The following SOX6 variants were observed in gnomAD, a reference collection of about 807,000 sequenced individuals.
SOX6 encodes the protein SRY-box transcription factor 6.
A neutral mutation model predicts 97.8 loss-of-function variants in SOX6; 11 were observed. The ratio of observed to expected loss-of-function variants is 0.11; its 90% CI spans 0.07 to 0.19. The LOEUF (loss-of-function observed/expected upper bound fraction) is 0.19, where lower values mean the gene tolerates loss of function less well. Ranked by LOEUF, SOX6 falls within the 10% of genes least tolerant of loss-of-function variation. The pLI, the probability that SOX6 is intolerant of heterozygous loss-of-function variation, is 1.00. For synonymous variants in SOX6, 360 were observed against 371.4 expected (o/e 0.97, Z 0.35); for missense variants, 810 against 1,039.5 (o/e 0.78, Z 3.04).
At chr11:16,265,961 A>G (rs1854073731) in intron 3 of SOX6, among the ~76,000 whole-genome samples, 4 of 151,820 alleles carry the variant, frequency 2.6e-5, no homozygotes, top group Non-Finnish European at 5.9e-5. Context: ...GACAATATCA[A>G]GTGGTCTAAT....
intron 4 of SOX6, among the ~76,000 whole-genome samples, chr11:16,582,057 G>GA (rs1261423051): frequency 6.6e-6 from 1 of 151,948 alleles, no homozygotes; most frequent in Non-Finnish European, 1.5e-5. Context: ...ATTAACGCAG[G>GA]AAAAGAAAAC....
intron 4 of SOX6, among the ~76,000 whole-genome samples, chr11:16,588,281 A>T (rs1006111067): frequency 1.2e-4 from 19 of 152,170 alleles, no homozygotes; most frequent in African/African-American, 4.6e-4. Context: ...GAGATCATCA[A>T]ACTTCCCAAT....
chr11:16,621,420 A>G (rs1427120004), intron 3 of SOX6, among the ~76,000 whole-genome samples: 1 of 152,196 alleles, frequency 6.6e-6, no homozygotes, highest in Non-Finnish European at 1.5e-5. Flanking sequence ...CATTCCAACA[A>G]TTGCATGGAA....
intron 4 of SOX6, among the ~76,000 whole-genome samples, chr11:16,210,791 T>C (rs1852199710): frequency 1.3e-5 from 2 of 152,198 alleles, no homozygotes; most frequent in African/African-American, 4.8e-5. Flanking sequence ...CGACACATAC[T>C]GTTTTCATGC....
Position 16,569,868 on chromosome 11 carries a change from C to CAAAAAAAAAAAAAAAAA in SOX6, n.609+42196_609+42212dup, listed in dbSNP as rs34604334. 4.7e-3 allele frequency among the ~76,000 whole-genome samples: 394 copies of CAAAAAAAAAAAAAAAAA among 84,720 alleles called. 39 individuals are homozygous for CAAAAAAAAAAAAAAAAA. Among genetic ancestry groups the CAAAAAAAAAAAAAAAAA allele is most frequent in the African/African-American group, 0.023 (361 of 16,040 alleles). 55.6% of individuals were successfully genotyped at this position (84,720 alleles called of 152,430 possible). On this transcript the variant is annotated intron_variant and non_coding_transcript_variant, in intron 4 of 5. Coordinates refer to the SOX6 transcript ENST00000524520. ...TGGGTGACTGATCAAGACTCCGTCTCAAAAAAAAAAAAAAAAAGATATACT... is the reference window on the plus strand; with the variant it reads ...TGGGTGACTGATCAAGACTCCGTCTCAAAAAAAAAAAAAAAAAAAAAAAAAAAAAAAAAAGATATACT...
intron 1 of SOX6, among the ~76,000 whole-genome samples, chr11:16,445,919 A>T (rs1010532087): frequency 1.3e-5 from 2 of 152,220 alleles, no homozygotes; most frequent in Middle Eastern, 3.4e-3. Context: ...ATATCTACAG[A>T]CCAATCTTAC....
chr11:16,054,539 A>G (rs1195053619), intron 10 of SOX6, among the ~76,000 whole-genome samples: 1 of 152,062 alleles, frequency 6.6e-6, no homozygotes, highest in African/African-American at 2.4e-5. Flanking sequence ...AGTGATTTTC[A>G]CTTTTTTAGA....
chr11:16,096,585 CT>C (rs1848800333), intron 8 of SOX6, among the ~76,000 whole-genome samples: 3 of 151,726 alleles, frequency 2.0e-5, no homozygotes, highest in Admixed American at 2.0e-4. Flanking sequence ...TGCAGAAATT[CT>C]TTATTTGCAG....
intron 14 of SOX6, among the ~76,000 whole-genome samples, chr11:15,987,587 C>T (rs1853896966): frequency 6.6e-6 from 1 of 152,028 alleles, no homozygotes; most frequent in African/African-American, 2.4e-5. Flanking sequence ...AACAGAGAGG[C>T]TCTGTGCCCA....
At chr11:16,499,729 C>G (rs549372949) in intron 4 of SOX6, among the ~76,000 whole-genome samples, 23 of 152,176 alleles carry the variant, frequency 1.5e-4, no homozygotes, top group Admixed American at 1.4e-3. Flanking sequence ...ATAAATTCCT[C>G]GACACATACA....
chr11:16,327,991 G>A (rs536628946), intron 2 of SOX6, among the ~76,000 whole-genome samples: 2 of 152,230 alleles, frequency 1.3e-5, no homozygotes, highest in Non-Finnish European at 2.9e-5. Flanking sequence ...CATTCTTATA[G>A]CACCATATGT....
intron 4 of SOX6, among the ~76,000 whole-genome samples, chr11:16,563,135 C>T (rs948131724): frequency 5.3e-5 from 8 of 151,044 alleles, no homozygotes; most frequent in African/African-American, 1.9e-4. Flanking sequence ...TTAAAGCAGC[C>T]ATGATAAAAA....
chr11:15,994,861 A>C (rs1234268733), intron 13 of SOX6, among the ~76,000 whole-genome samples: 6 of 152,204 alleles, frequency 3.9e-5, no homozygotes, highest in African/African-American at 9.6e-5. Context: ...TATGAAAAAA[A>C]CCCATAGATG....
intron 1 of SOX6, among the ~76,000 whole-genome samples, chr11:16,436,054 C>G (rs1220270361): frequency 6.6e-6 from 1 of 152,100 alleles, no homozygotes; most frequent in South Asian, 2.1e-4. Flanking sequence ...CAACAAGCTC[C>G]GATTGACAAA....
intron 1 of SOX6, among the ~76,000 whole-genome samples, chr11:16,436,545 T>C (rs529542309): frequency 2.6e-5 from 4 of 152,152 alleles, no homozygotes; most frequent in Non-Finnish European, 5.9e-5. Context: ...TGTAATTTTG[T>C]AGTTAAGAGC....
intron 1 of SOX6, among the ~76,000 whole-genome samples, chr11:16,452,648 T>C (rs868398810): frequency 4.6e-5 from 7 of 152,210 alleles, no homozygotes; most frequent in Admixed American, 3.9e-4. Flanking sequence ...TGTGCTGCTA[T>C]GGCCTGTATG....
chr11:16,137,891 C>A (rs1246458590), intron 6 of SOX6, among the ~76,000 whole-genome samples: 1 of 152,150 alleles, frequency 6.6e-6, no homozygotes, highest in Non-Finnish European at 1.5e-5. Flanking sequence ...ATTCTCTCTC[C>A]TGCCACCCTG....
intron 2 of SOX6, among the ~76,000 whole-genome samples, chr11:16,325,100 T>C (rs989201485): frequency 2.6e-5 from 4 of 152,168 alleles, no homozygotes; most frequent in Admixed American, 2.6e-4. Flanking sequence ...CAGATAATTT[T>C]ATTTCCTTTT....
At chr11:16,123,731 C>T (rs932065776) in intron 6 of SOX6, among the ~76,000 whole-genome samples, 11 of 151,946 alleles carry the variant, frequency 7.2e-5, no homozygotes, top group African/African-American at 1.9e-4. Context: ...AACAAGGTGA[C>T]GCTGAAGATG....
Sources: allele counts gnomAD v4.1 joint callset (sites outside exome capture counted in the v4.1 genomes callset), GRCh38; gene constraint gnomAD v4.1.1; transcripts MANE v1.5; gene names NCBI Gene and HGNC (gene_info 2026-07-23, HGNC 2026-07-21).